CD207: variants seen among roughly 807,000 people sequenced by gnomAD.
CD207 encodes CD207 molecule.
A neutral mutation model predicts 31.6 loss-of-function variants in CD207; 28 were observed. That is an observed-to-expected ratio of 0.89 (90% CI 0.66 to 1.21). The LOEUF (loss-of-function observed/expected upper bound fraction) is 1.21, where lower values mean the gene tolerates loss of function less well. Among genes scored for constraint, CD207 ranks in the 50% most tolerant of loss-of-function variants. The pLI, the probability that CD207 is intolerant of heterozygous loss-of-function variation, is 0.00. For synonymous variants in CD207, 168 were observed against 153.9 expected, an observed-to-expected ratio of 1.09 and a Z score of -0.68; for missense variants, 388 against 397.8, an observed-to-expected ratio of 0.98 and a Z score of 0.21.
chr2:70,833,874 T>C lies in CD207; in HGVS notation c.337A>G (p.Asn113Asp). The change falls in exon 3 of 6, where the codon AAT becomes GAT. Residue 113 changes from asparagine to aspartate, a missense_variant. Asn to Asp is a conservative substitution (Grantham distance 23). Coordinates refer to ENST00000410009, the MANE Select transcript of CD207 (RefSeq NM_015717.5). ...EAAGVQIQMV[N>D]ESLGYVRSQF... ...GAACGCACATAACCCAGGCTCTCAT[T>C]CACCATCTGGATCTGAACGCCAGCT... 1 of 1,613,066 alleles carries C rather than the reference T, an allele frequency of 6.2e-7. No individual in the cohort carries two copies. Among genetic ancestry groups the C allele is most frequent in the Non-Finnish European group, 8.5e-7 (1 of 1,179,278 alleles).
rs1677596218 is a variant in CD207, at chr2:70,835,595, T to C, written c.86A>G (p.Lys29Arg). ...CCCCGGGACCAGAGATGGACCGGAC[T>C]TGGGAGGAGGCTCTGTTGGAAGAAG... ...ISLWPREPPP[K>R]SGPSLVPGKT... Residue 29 changes from lysine (K) to arginine (R), a missense_variant, in exon 2 of 6, where the codon AAG becomes AGG. Transcript: ENST00000410009. 1 of 1,613,732 alleles carries C rather than the reference T, an allele frequency of 6.2e-7. No homozygotes were observed. The highest frequency in any genetic ancestry group is 1.3e-5 in the African/African-American group (1 of 74,914).
the CD207 span, among the ~76,000 whole-genome samples, chr2:70,824,321 C>T: frequency 5.9e-5 from 9 of 151,782 alleles, no homozygotes; most frequent in Admixed American, 4.6e-4. Flanking sequence ...CCTAACTGTT[C>T]TCCCTGCCTC....
Position 70,833,941 on chromosome 2 carries a change from G to T in CD207, c.270C>A (p.Thr90=). The T allele has an allele frequency of 6.4e-7, 1 of 1,574,232 alleles. No homozygotes were observed. The highest frequency in any genetic ancestry group is 1.2e-5 in the South Asian group (1 of 83,712). Reference sequence around the variant, plus strand: ...TATTCTTTTTAATTTCAGAATCCAGGGTGCTGATGTTGTCCACACGACCTT... The same window carrying T: ...TATTCTTTTTAATTTCAGAATCCAGTGTGCTGATGTTGTCCACACGACCTT... ...LLKGRVDNIS[T]LDSEIKKNSD... The change falls in exon 3 of 6, where the codon ACC becomes ACA. Residue 90 remains threonine, a synonymous_variant. Transcript: ENST00000410009.
chr2:70,825,003 C>T, the CD207 span, among the ~76,000 whole-genome samples: 6 of 152,144 alleles, frequency 3.9e-5, no homozygotes, highest in Non-Finnish European at 7.3e-5. Context: ...AGTCAATAAA[C>T]TTGGCAAACA....
At chr2:70,831,626 A>C in intron 5 of CD207, 75 bp downstream of exon 5, 1 of 884,584 alleles carries the variant, frequency 1.1e-6, no homozygotes, top group Admixed American at 1.7e-5. Context: ...CATGGGGAAC[A>C]TCGCCCCCAC....
In CD207 at chr2:70,833,044, A is replaced by C. The variant is rs781829207; in HGVS notation, c.573T>G (p.Ile191Met). The C allele has an allele frequency of 1.7e-5, 28 of 1,613,964 alleles. No homozygotes were observed. The highest frequency in any genetic ancestry group is 6.7e-5 in the East Asian group (3 of 44,882). Residue 191 changes from isoleucine to methionine, a missense_variant, in exon 4 of 6, where the codon ATT (isoleucine) becomes ATG (methionine). Coordinates refer to ENST00000410009, the MANE Select transcript of CD207 (RefSeq NM_015717.5). The part of the protein sequence containing the change: ...MSKLLKRQND[I>M]LQVVSQGWKY... ...TCCAGCCTTGAGAAACCACCTGTAG[A>C]ATATCATCTAGAGAACAAGAGGTAA...
chr2:70,825,562 A>G (rs1677323343), downstream of CD207, among the ~76,000 whole-genome samples: 1 of 152,278 alleles, frequency 6.6e-6, no homozygotes, highest in Middle Eastern at 3.4e-3. Flanking sequence ...TTTTTGAGAC[A>G]GGGTCTCACT....
At chr2:70,824,622 C>CAAAAAAAAAAAAAAAAAAA in the CD207 span, among the ~76,000 whole-genome samples, 2 of 38,768 alleles carry the variant, frequency 5.2e-5, no homozygotes, top group East Asian at 9.9e-4. Flanking sequence ...GCTTAGTTAC[C>CAAAAAAAAAAAAAAAAAAA]AAAAAAAAAA....
downstream of CD207, among the ~76,000 whole-genome samples, chr2:70,827,063 G>A (rs11684466): frequency 6.6e-6 from 1 of 151,866 alleles, no homozygotes; most frequent in Non-Finnish European, 1.5e-5. Context: ...CTAGACTGGA[G>A]TTCTCTTGGT....
chr2:70,824,622 CAAAA>C, the CD207 span, among the ~76,000 whole-genome samples: 1 of 38,768 alleles, frequency 2.6e-5, no homozygotes. Flanking sequence ...GCTTAGTTAC[CAAAA>C]AAAAAAAAAA....
chr2:70,835,450 A>G, intron 2 of CD207, 41 bp downstream of exon 2: 2 of 1,458,622 alleles, frequency 1.4e-6, no homozygotes, highest in South Asian at 2.3e-5. Context: ...GGCTGGCCAC[A>G]GAGAGGGGCT....
At chr2:70,825,171 A>G in the CD207 span, among the ~76,000 whole-genome samples, 1 of 152,166 alleles carries the variant, frequency 6.6e-6, no homozygotes, top group African/African-American at 2.4e-5. Flanking sequence ...CACCAGACAA[A>G]TTCCATTTAA....
chr2:70,835,757 G>A lies in CD207; in HGVS notation c.20C>T (p.Ala7Val). The change falls in exon 1 of 6, where the codon GCC (alanine) becomes GTC (valine). Residue 7 changes from alanine to valine, a missense_variant. Ala to Val is a moderately conservative substitution (Grantham distance 64, BLOSUM62 0). Transcript: ENST00000410009. MTVEKE[A>V]PDAHFTVDKQ... ...GTCCACAGTGAAGTGCGCATCAGGG[G>A]CCTCCTTCTCCACAGTCATCCTGAG... 1.2e-6 allele frequency: 2 copies of A among 1,612,522 alleles called. No homozygotes were observed. The highest frequency in any genetic ancestry group is 1.7e-6 in the Non-Finnish European group (2 of 1,179,340).
rs1677539050 is a variant in CD207, at chr2:70,833,834, A to G, written c.377T>C (p.Leu126Ser). Residue 126 changes from leucine to serine, a missense_variant, in exon 3 of 6, where the codon TTA becomes TCA. Leu to Ser is a moderately radical substitution (Grantham distance 145). Transcript: ENST00000410009. ...GTTGGCCTTCTCCACACTGGTTTTT[A>G]ACTTCAGGAACTGAGAACGCACATA... is the stretch of plus-strand genomic sequence containing the variant. The part of the protein sequence containing the change: ...LGYVRSQFLK[L>S]KTSVEKANAQ... 1 of 1,613,950 alleles carries G rather than the reference A, an allele frequency of 6.2e-7. No homozygotes were observed. The highest frequency in any genetic ancestry group is 1.1e-5 in the South Asian group (1 of 91,082).
downstream of CD207, among the ~76,000 whole-genome samples, chr2:70,827,015 G>A (rs533003135): frequency 9.9e-5 from 15 of 152,172 alleles, no homozygotes; most frequent in South Asian, 1.9e-3. Context: ...CCCTCCAACA[G>A]CTGCCTGTCC....
chr2:70,824,496 C>T, the CD207 span, among the ~76,000 whole-genome samples: 1 of 151,648 alleles, frequency 6.6e-6, no homozygotes, highest in African/African-American at 2.4e-5. Flanking sequence ...TTTCTAACAC[C>T]ATTCTCCAAA....
In CD207 at chr2:70,833,983, G is replaced by A; in HGVS notation, c.228C>T (p.Thr76=). The part of the protein sequence containing the change: ...RFMGTISDVK[T]NVQLLKGRVD... Reference sequence around the variant, plus strand: ...CACGACCTTTCAGCAACTGGACATTGGTCTTTACATCTGATATGGTGCCCA... The same window carrying A: ...CACGACCTTTCAGCAACTGGACATTAGTCTTTACATCTGATATGGTGCCCA... Residue 76 remains threonine, a synonymous_variant, in exon 3 of 6, where the codon ACC becomes ACT. Coordinates refer to ENST00000410009, the MANE Select transcript of CD207 (RefSeq NM_015717.5). 2.6e-6 allele frequency: 4 copies of A among 1,529,100 alleles called. No individual in the cohort carries two copies. The highest frequency in any genetic ancestry group is 1.4e-5 in the African/African-American group (1 of 72,344). 94.7% of individuals were successfully genotyped at this position (1,529,100 alleles called of 1,614,324 possible).
rs1225442808 is a variant in CD207, at chr2:70,835,414, GA to G, written c.190+76del. On this transcript the variant is annotated intron_variant, in intron 2 of 5. Transcript: ENST00000410009. ...AGGCAGGAGAAACCCGGAGAGCAGG[GA>G]AGTGGTCTCGATCTGAAGGGAGCCG... 24 of 955,416 alleles carry G rather than the reference GA, an allele frequency of 2.5e-5. No homozygotes were observed. In the African/African-American group the frequency reaches 2.9e-4, roughly 11 times the overall value. 59.2% of individuals were successfully genotyped at this position (955,416 alleles called of 1,614,324 possible).
At chr2:70,832,709 T>G (rs1677504584) in intron 4 of CD207, among the ~76,000 whole-genome samples, 191 bp downstream of exon 4, 1 of 152,242 alleles carries the variant, frequency 6.6e-6, no homozygotes, top group South Asian at 2.1e-4. Flanking sequence ...TCCTTGGGCC[T>G]GGGTCCTTGA....
Sources: gnomAD v4.1 joint callset for allele counts (sites outside exome capture counted in the v4.1 genomes callset) on GRCh38, gnomAD v4.1.1 for gene constraint, MANE v1.5 for transcripts, NCBI Gene and HGNC (gene_info 2026-07-23, HGNC 2026-07-21) for gene names.